Variants in ADGRB3 observed in about 807,000 individuals in gnomAD.
The protein encoded by ADGRB3 is adhesion G protein-coupled receptor B3.
A neutral mutation model predicts 193.4 loss-of-function variants in ADGRB3; 37 were observed. The ratio of observed to expected loss-of-function variants is 0.19; its 90% CI spans 0.15 to 0.25. The LOEUF (loss-of-function observed/expected upper bound fraction) is 0.25, where lower values mean the gene tolerates loss of function less well. ADGRB3 is among the 10% of genes least tolerant of loss of function. The pLI is 1.00. For synonymous variants in ADGRB3, 690 were observed against 644.2 expected (o/e 1.07, Z -1.08); for missense variants, 1,637 against 1,852.9 (o/e 0.88, Z 2.14).
chr6:68,780,978 C>CTATATCTTTAGTCA (rs1766841483), intron 3 of ADGRB3, among the ~76,000 whole-genome samples: 1 of 152,110 alleles, frequency 6.6e-6, no homozygotes, highest in Non-Finnish European at 1.5e-5. Context: ...TATCTCAAGT[C>CTATATCTTTAGTCA]AGAACTAAAA....
At chr6:69,365,708 C>T (rs182166714) in intron 29 of ADGRB3, among the ~76,000 whole-genome samples, 10 of 152,182 alleles carry the variant, frequency 6.6e-5, no homozygotes, top group Admixed American at 5.9e-4. Context: ...AAGTCTCTCT[C>T]AATTTGTAAT....
At chr6:68,820,398 A>G (rs933638430) in intron 3 of ADGRB3, among the ~76,000 whole-genome samples, 2 of 151,976 alleles carry the variant, frequency 1.3e-5, no homozygotes, top group Admixed American at 6.6e-5. Flanking sequence ...TATGGGGAAT[A>G]TGCAATGTTT....
chr6:68,811,719 T>C (rs779345245), intron 3 of ADGRB3, among the ~76,000 whole-genome samples: 14 of 152,074 alleles, frequency 9.2e-5, no homozygotes, highest in Non-Finnish European at 1.8e-4. Flanking sequence ...ATCCACCCGC[T>C]TTGGGCTCTC....
At chr6:69,171,757 CA>C (rs75638507) in intron 17 of ADGRB3, among the ~76,000 whole-genome samples, 9,741 of 150,234 alleles carry the variant, frequency 0.065, 842 homozygotes, top group African/African-American at 0.19. Flanking sequence ...AATACAGAGT[CA>C]AAAAAAAAGC....
At chr6:68,744,449 G>T (rs1335762764) in intron 3 of ADGRB3, among the ~76,000 whole-genome samples, 1 of 152,014 alleles carries the variant, frequency 6.6e-6, no homozygotes, top group East Asian at 1.9e-4. Flanking sequence ...TATGTTTATT[G>T]CAGCACTATT....
intron 19 of ADGRB3, among the ~76,000 whole-genome samples, chr6:69,238,400 T>C (rs567737054): frequency 2.6e-5 from 4 of 152,206 alleles, no homozygotes; most frequent in African/African-American, 9.6e-5. Context: ...CTTACATTCT[T>C]GGTGCACTTA....
intron 3 of ADGRB3, among the ~76,000 whole-genome samples, chr6:68,840,421 T>TA (rs1768132218): frequency 8.4e-6 from 1 of 119,184 alleles, no homozygotes; most frequent in African/African-American, 3.2e-5. Context: ...GACAAGGTCT[T>TA]TCTCTGTCAC....
At chr6:69,201,691 C>T (rs1338582538) in intron 17 of ADGRB3, among the ~76,000 whole-genome samples, 2 of 152,076 alleles carry the variant, frequency 1.3e-5, no homozygotes, top group African/African-American at 4.8e-5. Context: ...GGATTATAAC[C>T]ACATGGGTCT....
At chr6:69,251,586 C>T (rs1016708217) in intron 20 of ADGRB3, among the ~76,000 whole-genome samples, 1 of 152,092 alleles carries the variant, frequency 6.6e-6, no homozygotes, top group Non-Finnish European at 1.5e-5. Context: ...TTATAAGAAT[C>T]AAGTAGGATT....
intron 3 of ADGRB3, among the ~76,000 whole-genome samples, chr6:68,859,208 C>G (rs139326424): frequency 6.6e-6 from 1 of 152,180 alleles, no homozygotes; most frequent in Non-Finnish European, 1.5e-5. Context: ...CAGTTCCCAA[C>G]AAATTCCCCA....
At chr6:68,651,946 A>G (rs539709064) in intron 3 of ADGRB3, among the ~76,000 whole-genome samples, 5 of 152,248 alleles carry the variant, frequency 3.3e-5, no homozygotes, top group South Asian at 2.1e-4. Flanking sequence ...AAGTATGTGT[A>G]AGGACTGTCA....
At chr6:69,349,181 T>C (rs11755891) in intron 26 of ADGRB3, among the ~76,000 whole-genome samples, 1 of 152,212 alleles carries the variant, frequency 6.6e-6, no homozygotes, top group African/African-American at 2.4e-5. Context: ...TCCTGGTGTA[T>C]GACACATAAT....
chr6:68,962,615 A>G (rs1768267461), intron 8 of ADGRB3, among the ~76,000 whole-genome samples: 1 of 152,186 alleles, frequency 6.6e-6, no homozygotes, highest in Non-Finnish European at 1.5e-5. Context: ...GAAAAATTTA[A>G]GCACCACCTT....
chr6:69,367,433 G>A (rs1268896070), intron 29 of ADGRB3, among the ~76,000 whole-genome samples: 3 of 151,900 alleles, frequency 2.0e-5, no homozygotes, highest in East Asian at 1.9e-4. Flanking sequence ...CTGAGGAATC[G>A]CCACACTGAC....
intron 3 of ADGRB3, among the ~76,000 whole-genome samples, chr6:68,887,186 A>C (rs1035642389): frequency 6.6e-6 from 1 of 151,904 alleles, no homozygotes; most frequent in African/African-American, 2.4e-5. Context: ...AAGATTTAAA[A>C]ATATTTTCAA....
chr6:68,761,832 G>T (rs777926557), intron 3 of ADGRB3, among the ~76,000 whole-genome samples: 1 of 152,130 alleles, frequency 6.6e-6, no homozygotes, highest in African/African-American at 2.4e-5. Flanking sequence ...ATGGAAAATG[G>T]AAAATTGTTA....
intron 20 of ADGRB3, among the ~76,000 whole-genome samples, chr6:69,320,909 C>A (rs1354606764): frequency 2.0e-5 from 3 of 150,410 alleles, no homozygotes; most frequent in Non-Finnish European, 4.4e-5. Context: ...AGAAAATTTT[C>A]TGTAATATAT....
intron 13 of ADGRB3, among the ~76,000 whole-genome samples, chr6:69,023,389 T>G (rs1770327337): frequency 6.6e-6 from 1 of 152,144 alleles, no homozygotes; most frequent in African/African-American, 2.4e-5. Flanking sequence ...AGGAAGCATT[T>G]AATGTAGACT....
At chr6:68,764,242 C>A (rs1766466804) in intron 3 of ADGRB3, among the ~76,000 whole-genome samples, 1 of 151,656 alleles carries the variant, frequency 6.6e-6, no homozygotes, top group African/African-American at 2.4e-5. Flanking sequence ...ACAGGAAATG[C>A]CAGAGTTTTG....
Sources: allele counts gnomAD v4.1 joint callset (sites outside exome capture counted in the v4.1 genomes callset), GRCh38; gene constraint gnomAD v4.1.1; transcripts MANE v1.5; gene names NCBI Gene and HGNC (gene_info 2026-07-23, HGNC 2026-07-21).